DOCK5: variants seen among roughly 807,000 people sequenced by gnomAD.
The protein encoded by DOCK5 is dedicator of cytokinesis protein 5.
A neutral mutation model predicts 251.8 loss-of-function variants in DOCK5; 142 were observed. The ratio of observed to expected loss-of-function variants is 0.56; its 90% CI spans 0.49 to 0.65. The LOEUF (loss-of-function observed/expected upper bound fraction) is 0.65. Ranked by LOEUF, DOCK5 falls within the 30% of genes least tolerant of loss-of-function variation. The pLI is 0.00. For missense variants in DOCK5, 2,111 were observed against 2,312.3 expected, an observed-to-expected ratio of 0.91 and a Z score of 1.79; for synonymous variants, 842 against 835.5, an observed-to-expected ratio of 1.01 and a Z score of -0.13.
intron 2 of DOCK5, among the ~76,000 whole-genome samples, chr8:25,250,360 A>G (rs1803234306): frequency 1.3e-5 from 2 of 152,236 alleles, no homozygotes; most frequent in South Asian, 4.1e-4. Context: ...TTATCAGGAA[A>G]CAGAATTCCT....
chr8:25,278,641 T>C lies in DOCK5; in HGVS notation c.297T>C (p.Ala99=). Residue 99 remains alanine, a synonymous_variant, in exon 5 of 52, where the codon GCT becomes GCC. Transcript: ENST00000276440. ...QELTSTLREW[A]VIWRKLYVNN... is the part of the protein sequence containing the mutation. ...TCACGTCCACTCTGCGAGAATGGGCTGTCATCTGGCGAAAGCTCTACGTGG... is the reference window on the plus strand; with the variant it reads ...TCACGTCCACTCTGCGAGAATGGGCCGTCATCTGGCGAAAGCTCTACGTGG... The C allele has an allele frequency of 1.2e-6, 2 of 1,613,946 alleles. No homozygotes were observed. Among genetic ancestry groups the C allele is most frequent in the Non-Finnish European group, 8.5e-7 (1 of 1,179,870 alleles).
intron 2 of DOCK5, among the ~76,000 whole-genome samples, chr8:25,266,416 C>T (rs1034987759): frequency 4.0e-5 from 6 of 151,634 alleles, no homozygotes; most frequent in East Asian, 3.9e-4. Context: ...GGGGTTTCAC[C>T]GTGATAGCCA....
chr8:25,263,507 G>A (rs1482861108), intron 2 of DOCK5, among the ~76,000 whole-genome samples: 2 of 151,804 alleles, frequency 1.3e-5, no homozygotes, highest in Non-Finnish European at 2.9e-5. Context: ...ATAATAGTAA[G>A]AAACCTAGCT....
chr8:25,212,723 C>G lies in DOCK5; in HGVS notation c.43+27772C>G, dbSNP rs758207256. Among the ~76,000 whole-genome samples, 33 of 69,350 alleles carry G rather than the reference C, an allele frequency of 4.8e-4. 15 individuals carry two copies. Among genetic ancestry groups the G allele is most frequent in the Non-Finnish European group, 1.4e-3 (31 of 21,386 alleles). The allele number at this position is 69,350 out of a possible 152,430, so 45.5% of individuals were successfully genotyped here. ...TTTCGATGCTTGCAAGAGAGAGGGT[C>G]GAAAACCCCTTTATGCTGGACTAGA... On this transcript the variant is annotated intron_variant, in intron 1 of 51. Transcript: ENST00000276440.
At chr8:25,195,487 C>T (rs893969765) in intron 1 of DOCK5, among the ~76,000 whole-genome samples, 2 of 152,144 alleles carry the variant, frequency 1.3e-5, no homozygotes, top group African/African-American at 4.8e-5. Context: ...CCTGGTCATG[C>T]CCTCCCGGCC....
rs914252903 is a variant in DOCK5, at chr8:25,240,657, G to T, written c.44-3017G>T. On this transcript the variant is annotated intron_variant, in intron 1 of 51. Transcript: ENST00000276440. ...CTGTATTCCATTTCTTTTCATTGCT[G>T]CATAGTATTCCATTGCATGGATATA... Among the ~76,000 whole-genome samples, 5 of 152,236 alleles carry T rather than the reference G, an allele frequency of 3.3e-5. No individual in the cohort carries two copies. In the East Asian group the frequency reaches 7.7e-4, roughly 24 times the overall value.
chr8:25,312,632 G>A (rs1399762856), intron 13 of DOCK5, among the ~76,000 whole-genome samples: 7 of 151,834 alleles, frequency 4.6e-5, no homozygotes, highest in Non-Finnish European at 8.8e-5. Context: ...GCGAGTTGAC[G>A]TGTACCTGTA....
chr8:25,207,098 C>A (rs1340224697), intron 1 of DOCK5, among the ~76,000 whole-genome samples: 1 of 152,168 alleles, frequency 6.6e-6, no homozygotes, highest in Non-Finnish European at 1.5e-5. Context: ...ACTCAGGGTA[C>A]TTTGCAGAGC....
chr8:25,187,900 C>T (rs1801473563), intron 1 of DOCK5, among the ~76,000 whole-genome samples: 2 of 152,140 alleles, frequency 1.3e-5, no homozygotes, highest in Admixed American at 1.3e-4. Context: ...CTCCCTTCTT[C>T]AAATTTGCTA....
chr8:25,203,734 G>T (rs1384818167), intron 1 of DOCK5, among the ~76,000 whole-genome samples: 2 of 152,176 alleles, frequency 1.3e-5, no homozygotes, highest in African/African-American at 2.4e-5. Context: ...GATCAGATTG[G>T]AATCTGTCAG....
At chr8:25,345,414 G>C in intron 25 of DOCK5, 61 bp from the exon 26 acceptor site, 1 of 1,595,902 alleles carries the variant, frequency 6.3e-7, no homozygotes, top group Non-Finnish European at 8.5e-7. Flanking sequence ...TTGCAGGAAG[G>C]AGACAGGCAG....
intron 14 of DOCK5, among the ~76,000 whole-genome samples, chr8:25,317,963 T>A (rs1805303427): frequency 6.6e-6 from 1 of 152,054 alleles, no homozygotes; most frequent in South Asian, 2.1e-4. Flanking sequence ...AAAGGATGAG[T>A]TATTGTCTCT....
intron 40 of DOCK5, among the ~76,000 whole-genome samples, chr8:25,385,067 G>C (rs1484020468): frequency 6.6e-6 from 1 of 152,198 alleles, no homozygotes; most frequent in African/African-American, 2.4e-5. Flanking sequence ...CATCAGGCAA[G>C]AGCAGGGCAG....
chr8:25,295,985 A>G (rs768945975), intron 6 of DOCK5, among the ~76,000 whole-genome samples: 2 of 151,964 alleles, frequency 1.3e-5, no homozygotes, highest in Non-Finnish European at 2.9e-5. Flanking sequence ...ACACCTGGCT[A>G]ATTTTTGTAT....
At chr8:25,189,876 GT>G (rs1286805840) in intron 1 of DOCK5, among the ~76,000 whole-genome samples, 1 of 152,102 alleles carries the variant, frequency 6.6e-6, no homozygotes, top group Non-Finnish European at 1.5e-5. Context: ...CTTTTGTTGT[GT>G]TTTTGTTTGC....
At chr8:25,324,235 A>G (rs533199598) in intron 17 of DOCK5, among the ~76,000 whole-genome samples, 1 of 152,196 alleles carries the variant, frequency 6.6e-6, no homozygotes, top group Admixed American at 6.5e-5. Context: ...CTAGCAGTGA[A>G]TGGTAAGGGG....
rs201638674 is a variant in DOCK5 at position 25,187,242 on chromosome 8, TATAC to T, written c.43+2293_43+2296del. On this transcript the variant is annotated intron_variant, in intron 1 of 51. Transcript: ENST00000276440. Reference sequence around the variant, plus strand: ...ATACATATATATACGTATATATATATATACACACACACACACACGTATACACACA... The same window carrying T: ...ATACATATATATACGTATATATATATACACACACACACACGTATACACACA... 8.1e-3 allele frequency among the ~76,000 whole-genome samples: 1,175 copies of T among 145,394 alleles called. 28 individuals carry two copies. Among genetic ancestry groups the T allele is most frequent in the African/African-American group, 0.03 (1,115 of 37,776 alleles).
intron 2 of DOCK5, among the ~76,000 whole-genome samples, chr8:25,250,209 T>C (rs192571431): frequency 9.2e-5 from 14 of 152,322 alleles, no homozygotes; most frequent in East Asian, 3.9e-4. Context: ...CTATCCATCA[T>C]CTTTTTTCAC....
At chr8:25,275,164 A>G (rs1804012079) in intron 3 of DOCK5, among the ~76,000 whole-genome samples, 1 of 152,126 alleles carries the variant, frequency 6.6e-6, no homozygotes, top group Non-Finnish European at 1.5e-5. Context: ...AAAATATCCT[A>G]TGCTCTCTGA....
Sources: gnomAD v4.1 joint callset for allele counts (sites outside exome capture counted in the v4.1 genomes callset) on GRCh38, gnomAD v4.1.1 for gene constraint, MANE v1.5 for transcripts, NCBI Gene and HGNC (gene_info 2026-07-23, HGNC 2026-07-21) for gene names.